The following SETDB2 variants were observed in gnomAD, a reference collection of about 807,000 sequenced individuals.
SETDB2 encodes histone-lysine N-methyltransferase SETDB2.
Under a neutral mutation model 82.5 loss-of-function variants are expected in SETDB2, and 56 were observed. That is an observed-to-expected ratio of 0.68 (90% CI 0.55 to 0.85). The LOEUF (loss-of-function observed/expected upper bound fraction) is 0.85. Among genes scored for constraint, SETDB2 ranks in the 40% least tolerant of loss-of-function variants. The pLI is 0.00. For synonymous variants in SETDB2, 272 were observed against 284.9 expected, an observed-to-expected ratio of 0.95 and a Z score of 0.46; for missense variants, 677 against 816.4, an observed-to-expected ratio of 0.83 and a Z score of 2.08.
rs993919109 is a variant in SETDB2, at chr13:49,481,085, T to C, written c.1125T>C (p.Ile375=). The change falls in exon 8 of 14, where the codon ATT becomes ATC. Residue 375 remains isoleucine, a synonymous_variant. Coordinates refer to ENST00000611815, the MANE Select transcript of SETDB2 (RefSeq NM_001160308.3). Reference sequence around the variant, plus strand: ...GGGGTGTACGCTGTCTAGATGACATTGACAGAGGGACATTTGTTTGCATTT... The same window carrying C: ...GGGGTGTACGCTGTCTAGATGACATCGACAGAGGGACATTTGTTTGCATTT... ...KGWGVRCLDD[I]DRGTFVCIYS... is the part of the protein sequence containing the mutation. The C allele has an allele frequency of 3.4e-5, 55 of 1,613,168 alleles. No homozygotes were observed. Among genetic ancestry groups the C allele is most frequent in the Non-Finnish European group, 4.6e-5 (54 of 1,179,622 alleles).
chr13:49,487,005 G>A (rs975897919), intron 11 of SETDB2, among the ~76,000 whole-genome samples: 11 of 152,256 alleles, frequency 7.2e-5, no homozygotes, highest in South Asian at 4.1e-4. Flanking sequence ...TATCATGCAT[G>A]TGAGCCACAG....
intron 2 of SETDB2, among the ~76,000 whole-genome samples, chr13:49,453,723 C>T (rs1427704271): frequency 1.3e-5 from 2 of 152,088 alleles, no homozygotes; most frequent in Non-Finnish European, 2.9e-5. Flanking sequence ...ATATTTCTTA[C>T]GCATCTTAGA....
At chr13:49,481,208 G>A (rs936884210) in intron 8 of SETDB2, 92 bp downstream of exon 8, 3 of 1,167,908 alleles carry the variant, frequency 2.6e-6, no homozygotes, top group Non-Finnish European at 3.6e-6. Flanking sequence ...AGAGCTTACA[G>A]CAAGGTAAAG....
In SETDB2 at chr13:49,483,073, T is replaced by G. The variant is rs932526932; in HGVS notation, c.1382+111T>G. ...TCCTCATTTGTATTTATCATTTTGC[T>G]TCAAAGTTGTTAAGTCTAACACTTT... On this transcript the variant is annotated intron_variant, in intron 9 of 13. Coordinates refer to ENST00000611815, the MANE Select transcript of SETDB2 (RefSeq NM_001160308.3). 7 of 731,302 alleles carry G rather than the reference T, an allele frequency of 9.6e-6. No individual in the cohort carries two copies. The African/African-American group carries it at 1.3e-4, about 13-fold the overall frequency. 45.3% of individuals were successfully genotyped at this position (731,302 alleles called of 1,614,324 possible). A position where few individuals can be genotyped will look rare whatever the true frequency, so the allele number is the denominator to read the frequency against.
chr13:49,453,759 C>T (rs566001450), intron 2 of SETDB2, among the ~76,000 whole-genome samples: 23 of 152,066 alleles, frequency 1.5e-4, no homozygotes, highest in Non-Finnish European at 3.1e-4. Context: ...AATAACCTGT[C>T]AATATTTTTA....
rs760996884 is a variant in SETDB2 at position 49,460,090 on chromosome 13, A to G, written c.17-17A>G. 22 of 1,606,122 alleles carry G rather than the reference A, an allele frequency of 1.4e-5. No individual in the cohort carries two copies. Among genetic ancestry groups the G allele is most frequent in the Non-Finnish European group, 1.8e-5 (21 of 1,177,358 alleles). On this transcript the variant is annotated splice_polypyrimidine_tract_variant and intron_variant, in intron 2 of 13. Transcript: ENST00000611815. Reference sequence around the variant, plus strand: ...TTTTCTATTAGCTCTTAGGCTAGTCACTTATTTTTATTTTAGGCGATGCAA... The same window carrying G: ...TTTTCTATTAGCTCTTAGGCTAGTCGCTTATTTTTATTTTAGGCGATGCAA...
chr13:49,483,428 T>C, intron 9 of SETDB2, 36 bp from the exon 10 acceptor site: 1 of 814,978 alleles, frequency 1.2e-6, no homozygotes, highest in South Asian at 1.9e-5. Flanking sequence ...GAAGAGAATT[T>C]TTAGTGATAC....
chr13:49,451,961 A>G lies in SETDB2; in HGVS notation c.16+52A>G, dbSNP rs372112077. The stretch of plus-strand genomic sequence containing the variant: ...TTTATATCTAAAAGTATAAAAGTAT[A>G]TAGACAATGTAAGCTGATGTGGAAT... On this transcript the variant is annotated intron_variant, in intron 2 of 13. Coordinates refer to ENST00000611815, the MANE Select transcript of SETDB2 (RefSeq NM_001160308.3). 2.2e-6 allele frequency: 3 copies of G among 1,350,166 alleles called. No individual in the cohort carries two copies. In the African/African-American group the frequency reaches 4.5e-5, roughly 20 times the overall value. 83.6% of individuals were successfully genotyped at this position (1,350,166 alleles called of 1,614,324 possible).
intron 4 of SETDB2, among the ~76,000 whole-genome samples, chr13:49,463,829 C>T (rs528900340): frequency 6.6e-6 from 1 of 152,300 alleles, no homozygotes; most frequent in South Asian, 2.1e-4. Context: ...TTTCTCCTCT[C>T]TATGTTGAGG....
chr13:49,473,379 A>G (rs1193650394), intron 5 of SETDB2, among the ~76,000 whole-genome samples: 2 of 151,742 alleles, frequency 1.3e-5, no homozygotes, highest in African/African-American at 4.8e-5. Context: ...GTGAGACCCC[A>G]TCTCTACCAA....
At chr13:49,478,832 G>A (rs951464412) in intron 6 of SETDB2, among the ~76,000 whole-genome samples, 3 of 152,090 alleles carry the variant, frequency 2.0e-5, no homozygotes, top group Non-Finnish European at 4.4e-5. Context: ...AGTCTGAGGT[G>A]GGAGGATCAC....
chr13:49,466,831 T>C (rs1034504076), intron 4 of SETDB2, among the ~76,000 whole-genome samples: 6 of 147,904 alleles, frequency 4.1e-5, no homozygotes, highest in African/African-American at 1.5e-4. Flanking sequence ...TTTTTTTTTT[T>C]CTGTCGTAGA....
Position 49,492,226 on chromosome 13 carries a change from A to G in SETDB2, c.*377A>G, listed in dbSNP as rs985155426. The G allele has an allele frequency of 2.9e-5, 5 of 174,010 alleles. No individual in the cohort carries two copies. In the South Asian group the frequency reaches 5.9e-4, roughly 21 times the overall value. The allele number at this position is 174,010 out of a possible 1,614,324, so 10.8% of individuals were successfully genotyped here. On this transcript the variant is annotated 3_prime_UTR_variant, in exon 14 of 14. Transcript: ENST00000611815. ...TTACCTTTTAGTTCATGCCCCCCCA[A>G]AGAGCTAAATTTCACATTTTTACCT...
chr13:49,487,784 AAT>A (rs1394076512), intron 11 of SETDB2, among the ~76,000 whole-genome samples: 1 of 152,238 alleles, frequency 6.6e-6, no homozygotes, highest in Admixed American at 6.5e-5. Context: ...ACCAAACACT[AAT>A]ATGTGCAAAA....
intron 1 of SETDB2, 63 bp from the exon 2 acceptor site, chr13:49,451,490 T>C (rs944901491): frequency 1.4e-5 from 2 of 146,052 alleles, no homozygotes; most frequent in Non-Finnish European, 3.0e-5. Context: ...TATATATATA[T>C]ATATATATAT....
intron 2 of SETDB2, among the ~76,000 whole-genome samples, chr13:49,454,044 C>T (rs917211552): frequency 3.9e-5 from 6 of 152,124 alleles, no homozygotes; most frequent in Non-Finnish European, 5.9e-5. Context: ...GCTCCCACTC[C>T]AGTAGTAAAA....
chr13:49,455,535 A>G lies in SETDB2; in HGVS notation c.16+3626A>G, dbSNP rs151097657. 3.2e-4 allele frequency among the ~76,000 whole-genome samples: 48 copies of G among 152,292 alleles called. 4 individuals are homozygous for G. The highest frequency in any genetic ancestry group is 2.2e-3 in the Admixed American group (34 of 15,306). On this transcript the variant is annotated intron_variant, in intron 2 of 13. Coordinates refer to ENST00000611815, the MANE Select transcript of SETDB2 (RefSeq NM_001160308.3). ...TAATTTTAAAATCACATTTGTTAAT[A>G]TAGCTACTGATCTCATTTTAAAAGT...
intron 7 of SETDB2, 48 bp from the exon 8 acceptor site, chr13:49,480,899 C>T: frequency 1.3e-6 from 2 of 1,599,920 alleles, no homozygotes; most frequent in Non-Finnish European, 8.5e-7. Flanking sequence ...TGTCAATAAA[C>T]TGCTTTTTGA....
chr13:49,458,418 G>T (rs1217761221), intron 2 of SETDB2, among the ~76,000 whole-genome samples: 2 of 152,112 alleles, frequency 1.3e-5, no homozygotes, highest in Non-Finnish European at 2.9e-5. Flanking sequence ...TTAATAAATG[G>T]GTCAGAACTA....
Sources: gnomAD v4.1 joint callset for allele counts (sites outside exome capture counted in the v4.1 genomes callset) on GRCh38, gnomAD v4.1.1 for gene constraint, MANE v1.5 for transcripts, NCBI Gene and HGNC (gene_info 2026-07-23, HGNC 2026-07-21) for gene names.